Variants in CTNND2 observed in about 807,000 individuals in gnomAD.
The protein encoded by CTNND2 is catenin delta-2.
A neutral mutation model predicts 144.4 loss-of-function variants in CTNND2; 22 were observed. The ratio of observed to expected loss-of-function variants is 0.15; its 90% CI spans 0.11 to 0.22. The LOEUF is 0.22. Ranked by LOEUF, CTNND2 falls within the 10% of genes least tolerant of loss-of-function variation. The pLI is 1.00. For missense variants in CTNND2, 1,353 were observed against 1,618.8 expected (o/e 0.84, Z 2.82); for synonymous variants, 751 against 695.6 (o/e 1.08, Z -1.25).
At chr5:11,726,747 T>G in intron 2 of CTNND2, among the ~76,000 whole-genome samples, 1 of 152,196 alleles carries the variant, frequency 6.6e-6, no homozygotes, top group East Asian at 1.9e-4. Context: ...CTAGTCTCTT[T>G]TTTTCCCTTG....
intron 2 of CTNND2, among the ~76,000 whole-genome samples, chr5:11,632,531 T>C (rs1284422657): frequency 6.6e-6 from 1 of 152,142 alleles, no homozygotes; most frequent in South Asian, 2.1e-4. Flanking sequence ...CAATACATTA[T>C]CTAAAATGTG....
At chr5:11,168,936 G>A (rs749871173) in intron 11 of CTNND2, among the ~76,000 whole-genome samples, 6 of 152,104 alleles carry the variant, frequency 3.9e-5, no homozygotes, top group Non-Finnish European at 8.8e-5. Flanking sequence ...TGGGTTAAAC[G>A]ATACTGGGAC....
At chr5:11,425,917 C>T (rs1295965197) in intron 3 of CTNND2, among the ~76,000 whole-genome samples, 1 of 152,160 alleles carries the variant, frequency 6.6e-6, no homozygotes, top group Non-Finnish European at 1.5e-5. Context: ...GTCAGTTTCG[C>T]CCATCCTCCA....
chr5:11,120,670 G>A (rs1186141764), intron 12 of CTNND2, among the ~76,000 whole-genome samples: 1 of 151,408 alleles, frequency 6.6e-6, no homozygotes, highest in South Asian at 2.1e-4. Flanking sequence ...TTATTATACT[G>A]TCTGCAGGCA....
At chr5:11,510,129 A>C (rs902194562) in intron 3 of CTNND2, among the ~76,000 whole-genome samples, 1 of 151,994 alleles carries the variant, frequency 6.6e-6, no homozygotes, top group Non-Finnish European at 1.5e-5. Flanking sequence ...TGTAGAGATG[A>C]TGTCTCCCTA....
chr5:11,731,602 T>C (rs780641113), intron 2 of CTNND2, among the ~76,000 whole-genome samples: 1 of 152,204 alleles, frequency 6.6e-6, no homozygotes, highest in Non-Finnish European at 1.5e-5. Flanking sequence ...TATTTACTTA[T>C]GCATTTTTTG....
At chr5:11,359,346 A>T (rs1756213540) in intron 8 of CTNND2, among the ~76,000 whole-genome samples, 2 of 152,188 alleles carry the variant, frequency 1.3e-5, no homozygotes, top group Non-Finnish European at 2.9e-5. Flanking sequence ...TAAGTCTGTC[A>T]TTTCTGCTGC....
intron 1 of CTNND2, among the ~76,000 whole-genome samples, chr5:11,811,069 G>A (rs1367390796): frequency 6.6e-6 from 1 of 152,106 alleles, no homozygotes; most frequent in African/African-American, 2.4e-5. Flanking sequence ...TACCTATATA[G>A]GATTTTATCT....
intron 1 of CTNND2, among the ~76,000 whole-genome samples, chr5:11,816,513 T>C (rs1336917292): frequency 6.7e-6 from 1 of 150,172 alleles, no homozygotes; most frequent in Non-Finnish European, 1.5e-5. Context: ...GGGGTGCCTG[T>C]GGTTGGCTGG....
chr5:10,976,270 T>C (rs1195968240), intron 21 of CTNND2, among the ~76,000 whole-genome samples: 1 of 151,670 alleles, frequency 6.6e-6, no homozygotes, highest in Non-Finnish European at 1.5e-5. Context: ...GGAGGAATAT[T>C]GGCTGCATTT....
intron 16 of CTNND2, among the ~76,000 whole-genome samples, chr5:11,033,653 A>AC (rs1339196508): frequency 6.6e-6 from 1 of 152,130 alleles, no homozygotes; most frequent in Non-Finnish European, 1.5e-5. Flanking sequence ...ACATGGTGAA[A>AC]CCCTGTCTCT....
At position 11,181,667 on chromosome 5, in the gene CTNND2, GTGTC is replaced by G. The variant is rs772571277; in HGVS notation, c.1975+17777_1975+17780del. ...AGGCTCCGTGTGTATGTGTGTGTGTGTGTCTGTGTGTGTGTCTGTGTGGTGTGTG... is the reference window on the plus strand; with the variant it reads ...AGGCTCCGTGTGTATGTGTGTGTGTGTGTGTGTGTGTCTGTGTGGTGTGTG... On this transcript the variant is annotated intron_variant, in intron 11 of 21. Transcript: ENST00000304623. Among the ~76,000 whole-genome samples the G allele has an allele frequency of 1.3e-3, 201 of 151,690 alleles. 1 individual carries two copies. The highest frequency in any genetic ancestry group is 5.9e-4 in the Admixed American group (9 of 15,230).
chr5:11,731,731 T>C (rs148832295), intron 2 of CTNND2, among the ~76,000 whole-genome samples: 1 of 152,326 alleles, frequency 6.6e-6, no homozygotes, highest in East Asian at 1.9e-4. Flanking sequence ...TGCCTTGACT[T>C]TGATGTGATA....
At chr5:11,257,763 T>C (rs1202330416) in intron 9 of CTNND2, among the ~76,000 whole-genome samples, 1 of 152,204 alleles carries the variant, frequency 6.6e-6, no homozygotes, top group Non-Finnish European at 1.5e-5. Flanking sequence ...ATGGGCTTTC[T>C]ACAGCATGTC....
chr5:11,128,768 A>AT (rs1310897164), intron 12 of CTNND2, among the ~76,000 whole-genome samples: 2 of 40,418 alleles, frequency 4.9e-5, no homozygotes, highest in African/African-American at 1.7e-4. Flanking sequence ...AAATATATAT[A>AT]TTATATATAA....
At chr5:11,187,996 T>C (rs1398295494) in intron 11 of CTNND2, among the ~76,000 whole-genome samples, 1 of 152,232 alleles carries the variant, frequency 6.6e-6, no homozygotes, top group Non-Finnish European at 1.5e-5. Context: ...GCTTTTACAC[T>C]GCTGGTGGGA....
intron 7 of CTNND2, among the ~76,000 whole-genome samples, chr5:11,371,152 C>A (rs1561291461): frequency 1.3e-5 from 2 of 152,288 alleles, no homozygotes; most frequent in South Asian, 4.1e-4. Flanking sequence ...AGGTCAGCAT[C>A]GCTAGGCAAC....
At chr5:11,615,701 C>T (rs1561622888) in intron 2 of CTNND2, among the ~76,000 whole-genome samples, 1 of 152,124 alleles carries the variant, frequency 6.6e-6, no homozygotes, top group African/African-American at 2.4e-5. Context: ...AGTTCTCTCT[C>T]CAGTGTGTCA....
intron 16 of CTNND2, among the ~76,000 whole-genome samples, chr5:11,030,654 T>C (rs1179931072): frequency 6.6e-6 from 1 of 151,930 alleles, no homozygotes; most frequent in African/African-American, 2.4e-5. Context: ...CTTGACTCTC[T>C]TCATATCTTC....
Sources: allele counts gnomAD v4.1 joint callset (sites outside exome capture counted in the v4.1 genomes callset), GRCh38; gene constraint gnomAD v4.1.1; transcripts MANE v1.5; gene names NCBI Gene and HGNC (gene_info 2026-07-23, HGNC 2026-07-21).